The following WDPCP variants were observed in gnomAD, a reference collection of about 807,000 sequenced individuals.
WDPCP encodes the protein WD repeat-containing and planar cell polarity effector protein fritz homolog.
WDPCP carries 71 observed loss-of-function variants against 93.1 expected under a neutral mutation model. The observed-to-expected ratio is 0.76, with a 90% CI of 0.63 to 0.93. The LOEUF (loss-of-function observed/expected upper bound fraction) is 0.93, where lower values mean the gene tolerates loss of function less well. Among genes scored for constraint, WDPCP ranks in the 40% least tolerant of loss-of-function variants. WDPCP has a pLI of 0.00. For missense variants in WDPCP, 844 were observed against 887.4 expected (o/e 0.95, Z 0.62); for synonymous variants, 315 against 315.0 (o/e 1.00, Z 0.00).
At chr2:63,203,283 C>T (rs772119791) in intron 14 of WDPCP, among the ~76,000 whole-genome samples, 2 of 152,094 alleles carry the variant, frequency 1.3e-5, no homozygotes, top group African/African-American at 2.4e-5. Context: ...GTATCCATCA[C>T]CTCAGGCATT....
At chr2:63,393,745 A>C (rs897464693) in intron 10 of WDPCP, among the ~76,000 whole-genome samples, 2 of 152,106 alleles carry the variant, frequency 1.3e-5, no homozygotes, top group Non-Finnish European at 2.9e-5. Context: ...CCAATGAAAC[A>C]GAATAGAGAG....
chr2:63,244,507 A>C (rs1452819797), intron 14 of WDPCP, among the ~76,000 whole-genome samples: 1 of 152,166 alleles, frequency 6.6e-6, no homozygotes, highest in Non-Finnish European at 1.5e-5. Context: ...GATCCAAATA[A>C]GCACAATCCG....
At chr2:63,752,529 A>G in intron 2 of WDPCP, 2 of 710,372 alleles carry the variant, frequency 2.8e-6, no homozygotes, top group African/African-American at 1.7e-5. Context: ...AGCATTCCCC[A>G]TTGCTCAGAA....
intron 12 of WDPCP, among the ~76,000 whole-genome samples, chr2:63,338,315 G>A (rs933185920): frequency 1.5e-4 from 23 of 151,802 alleles, no homozygotes; most frequent in African/African-American, 3.6e-4. Context: ...AGGCCAAGGC[G>A]GGTGGATCAC....
chr2:63,776,110 CAT>C (rs1424626395), intron 2 of WDPCP, among the ~76,000 whole-genome samples: 9 of 134,670 alleles, frequency 6.7e-5, no homozygotes, highest in Non-Finnish European at 9.8e-5. Context: ...TACATACATA[CAT>C]ACATACACAA....
chr2:63,315,829 C>G (rs988739420), intron 12 of WDPCP, among the ~76,000 whole-genome samples: 2 of 151,768 alleles, frequency 1.3e-5, no homozygotes, highest in Non-Finnish European at 2.9e-5. Context: ...GTGATTATAG[C>G]TCACTGTAAC....
At chr2:63,456,439 T>C (rs553258616) in intron 6 of WDPCP, among the ~76,000 whole-genome samples, 78 of 151,624 alleles carry the variant, frequency 5.1e-4, no homozygotes, top group African/African-American at 1.8e-3. Context: ...AAATAATAAA[T>C]GAATAAATAA....
At chr2:63,208,568 C>T (rs1344612155) in intron 14 of WDPCP, among the ~76,000 whole-genome samples, 1 of 152,132 alleles carries the variant, frequency 6.6e-6, no homozygotes, top group East Asian at 1.9e-4. Context: ...TTTATAGGAT[C>T]CAGAATCTAG....
intron 2 of WDPCP, among the ~76,000 whole-genome samples, chr2:63,813,369 T>A (rs375239915): frequency 6.6e-6 from 1 of 152,302 alleles, no homozygotes; most frequent in Non-Finnish European, 1.5e-5. Context: ...GTCCTCCAGG[T>A]GAAGATGTCT....
In WDPCP at chr2:63,575,511, T is replaced by C. The variant is rs1371916377; in HGVS notation, c.75+12686A>G. 6.3e-5 allele frequency among the ~76,000 whole-genome samples: 7 copies of C among 111,442 alleles called. 1 individual carries two copies. The highest frequency in any genetic ancestry group is 2.8e-4 in the African/African-American group (7 of 25,342). The allele number at this position is 111,442 out of a possible 152,430, so 73.1% of individuals were successfully genotyped here. A position where few individuals can be genotyped will look rare whatever the true frequency, so the allele number is the denominator to read the frequency against. ...TATAGTATATACAGTATATACACTG[T>C]ATATATAGTATATACAGTATATACA... On this transcript the variant is annotated intron_variant, in intron 1 of 17. Coordinates refer to ENST00000272321, the MANE Select transcript of WDPCP (RefSeq NM_015910.7).
intron 9 of WDPCP, among the ~76,000 whole-genome samples, chr2:63,432,169 C>T (rs2105451672): frequency 6.6e-6 from 1 of 152,170 alleles, no homozygotes; most frequent in South Asian, 2.1e-4. Flanking sequence ...CAAATCGTTC[C>T]ACAGAGCTAA....
At chr2:63,683,325 C>T (rs1668747776) in intron 2 of WDPCP, among the ~76,000 whole-genome samples, 2 of 151,906 alleles carry the variant, frequency 1.3e-5, no homozygotes, top group Admixed American at 1.3e-4. Flanking sequence ...AAAAGCAAAA[C>T]CCACTAATCT....
At chr2:63,515,411 A>G (rs1252094238) in intron 1 of WDPCP, among the ~76,000 whole-genome samples, 1 of 152,194 alleles carries the variant, frequency 6.6e-6, no homozygotes, top group Non-Finnish European at 1.5e-5. Context: ...GGCACACTCA[A>G]AAGTACTTTC....
chr2:63,169,898 C>CT (rs572202471), intron 15 of WDPCP, among the ~76,000 whole-genome samples: 166 of 142,800 alleles, frequency 1.2e-3, no homozygotes, highest in Admixed American at 1.7e-3. Context: ...TTTCAGTGGA[C>CT]TTTTTTTTTT....
intron 17 of WDPCP, among the ~76,000 whole-genome samples, chr2:63,135,812 G>A (rs529583695): frequency 5.5e-4 from 83 of 152,066 alleles, no homozygotes; most frequent in African/African-American, 1.9e-3. Context: ...GCCTACTGCA[G>A]CCTCTAACTC....
At chr2:63,302,072 A>T (rs1685375928) in intron 13 of WDPCP, among the ~76,000 whole-genome samples, 1 of 152,074 alleles carries the variant, frequency 6.6e-6, no homozygotes, top group Admixed American at 6.5e-5. Context: ...GATCCCCCTC[A>T]TTTGGGGCCC....
At chr2:63,440,968 C>T (rs1697464750) in intron 6 of WDPCP, 1 of 152,132 alleles carries the variant, frequency 6.6e-6, no homozygotes, top group Admixed American at 6.6e-5. Context: ...TAAAGACAGA[C>T]CACCATTCCT....
intron 1 of WDPCP, among the ~76,000 whole-genome samples, chr2:63,824,119 T>C (rs1272393991): frequency 6.6e-6 from 1 of 152,074 alleles, no homozygotes; most frequent in African/African-American, 2.4e-5. Flanking sequence ...ATAGGGGTAG[T>C]TTCCCCCATG....
chr2:63,127,261 A>G (rs1459286953), intron 17 of WDPCP, among the ~76,000 whole-genome samples: 1 of 151,480 alleles, frequency 6.6e-6, no homozygotes, highest in Non-Finnish European at 1.5e-5. Flanking sequence ...AGCTGAGACT[A>G]CAGGCATGAG....
Sources: gnomAD v4.1 joint callset for allele counts (sites outside exome capture counted in the v4.1 genomes callset) on GRCh38, gnomAD v4.1.1 for gene constraint, MANE v1.5 for transcripts, NCBI Gene and HGNC (gene_info 2026-07-23, HGNC 2026-07-21) for gene names.